The following CLSTN2 variants were observed in gnomAD, a reference collection of about 807,000 sequenced individuals.
CLSTN2 encodes the protein calsyntenin 2.
CLSTN2 carries 48 observed loss-of-function variants against 101.2 expected under a neutral mutation model. The observed-to-expected ratio is 0.47, with a 90% CI of 0.38 to 0.60. The LOEUF is 0.60. Among genes scored for constraint, CLSTN2 ranks in the 20% least tolerant of loss-of-function variants. The pLI is 0.00. For synonymous variants in CLSTN2, 481 were observed against 463.6 expected (o/e 1.04, Z -0.48); for missense variants, 1,160 against 1,238.2 (o/e 0.94, Z 0.95).
intron 2 of CLSTN2, among the ~76,000 whole-genome samples, chr3:140,340,959 G>A (rs1483565660): frequency 3.3e-5 from 5 of 152,158 alleles, no homozygotes; most frequent in Non-Finnish European, 7.3e-5. Context: ...TGGGTTTTGA[G>A]GAGGAAGACC....
chr3:140,182,641 T>C (rs1181071127), intron 2 of CLSTN2, among the ~76,000 whole-genome samples: 2 of 152,176 alleles, frequency 1.3e-5, no homozygotes, highest in Admixed American at 6.5e-5. Flanking sequence ...CACCCAGTCA[T>C]GAGGCTTCAG....
chr3:140,370,638 C>T (rs570980014), intron 2 of CLSTN2, among the ~76,000 whole-genome samples: 3 of 152,254 alleles, frequency 2.0e-5, no homozygotes, highest in East Asian at 1.9e-4. Context: ...TTTATTTACT[C>T]GGCATGCCCT....
At chr3:140,329,214 C>T (rs935129780) in intron 2 of CLSTN2, among the ~76,000 whole-genome samples, 12 of 152,022 alleles carry the variant, frequency 7.9e-5, no homozygotes, top group African/African-American at 2.7e-4. Context: ...TGGCAAAACC[C>T]CATCTCTACT....
At chr3:140,097,954 A>G (rs2008899533) in intron 1 of CLSTN2, among the ~76,000 whole-genome samples, 1 of 152,166 alleles carries the variant, frequency 6.6e-6, no homozygotes, top group South Asian at 2.1e-4. Context: ...TCCCAGAGAA[A>G]TGAATTTTGT....
intron 1 of CLSTN2, among the ~76,000 whole-genome samples, chr3:139,945,418 A>T (rs1461529772): frequency 2.0e-5 from 3 of 152,256 alleles, no homozygotes; most frequent in Non-Finnish European, 2.9e-5. Context: ...CAAGGTGATC[A>T]TATTTAAGAA....
At chr3:139,972,057 A>G (rs1277198325) in intron 1 of CLSTN2, among the ~76,000 whole-genome samples, 2 of 152,154 alleles carry the variant, frequency 1.3e-5, no homozygotes, top group Admixed American at 6.5e-5. Context: ...TGAGGTCAGG[A>G]GTTCAAGACC....
chr3:140,289,381 C>A (rs2086928895), intron 2 of CLSTN2, among the ~76,000 whole-genome samples: 1 of 151,582 alleles, frequency 6.6e-6, no homozygotes, highest in Non-Finnish European at 1.5e-5. Flanking sequence ...GGGAGAGGAG[C>A]TGTATTCCCT....
chr3:140,493,213 A>G (rs1367197715), intron 8 of CLSTN2, among the ~76,000 whole-genome samples: 1 of 152,158 alleles, frequency 6.6e-6, no homozygotes, highest in Non-Finnish European at 1.5e-5. Context: ...ACATGGCTTT[A>G]TCTCAGACAC....
intron 2 of CLSTN2, among the ~76,000 whole-genome samples, chr3:140,184,837 A>C (rs1288163305): frequency 6.6e-6 from 1 of 152,166 alleles, no homozygotes; most frequent in East Asian, 1.9e-4. Context: ...GATCCTTATC[A>C]GAACTGGATG....
At chr3:140,506,080 C>T (rs990279128) in intron 8 of CLSTN2, 1 of 152,216 alleles carries the variant, frequency 6.6e-6, no homozygotes, top group African/African-American at 2.4e-5. Context: ...GGGAGATCCT[C>T]CCACCTACTC....
intron 2 of CLSTN2, among the ~76,000 whole-genome samples, chr3:140,213,646 T>C (rs1020951163): frequency 6.6e-6 from 1 of 152,178 alleles, no homozygotes; most frequent in African/African-American, 2.4e-5. Flanking sequence ...CTGTGCTACA[T>C]TTAGGAGGAT....
chr3:140,014,446 T>C (rs1324991970), intron 1 of CLSTN2, among the ~76,000 whole-genome samples: 1 of 152,082 alleles, frequency 6.6e-6, no homozygotes, highest in Non-Finnish European at 1.5e-5. Context: ...CTCAAACTCC[T>C]AGTCTTAAAT....
intron 2 of CLSTN2, among the ~76,000 whole-genome samples, chr3:140,250,641 T>C (rs1363947502): frequency 6.6e-6 from 1 of 152,142 alleles, no homozygotes; most frequent in Non-Finnish European, 1.5e-5. Context: ...CAGACAGACA[T>C]TTCTCCACAC....
At chr3:140,379,421 A>G (rs1244778257) in intron 2 of CLSTN2, among the ~76,000 whole-genome samples, 3 of 152,220 alleles carry the variant, frequency 2.0e-5, no homozygotes, top group East Asian at 1.9e-4. Context: ...AGAGTAGCTC[A>G]GTGGCTGAGA....
At chr3:140,399,656 G>A (rs573327712) in intron 2 of CLSTN2, among the ~76,000 whole-genome samples, 2 of 152,234 alleles carry the variant, frequency 1.3e-5, no homozygotes, top group African/African-American at 4.8e-5. Flanking sequence ...TACCACAACA[G>A]TATAAATACT....
At chr3:140,504,757 C>A (rs1269736870) in intron 8 of CLSTN2, among the ~76,000 whole-genome samples, 1 of 152,210 alleles carries the variant, frequency 6.6e-6, no homozygotes, top group Non-Finnish European at 1.5e-5. Context: ...CAGAACCTAG[C>A]ATGAAAGTAT....
intron 5 of CLSTN2, among the ~76,000 whole-genome samples, chr3:140,440,845 C>T (rs2108003996): frequency 6.6e-6 from 1 of 152,330 alleles, no homozygotes; most frequent in South Asian, 2.1e-4. Flanking sequence ...GGTTGCTCAG[C>T]TGGTAAGGCA....
At chr3:140,527,479 C>A (rs1576612700) in intron 8 of CLSTN2, among the ~76,000 whole-genome samples, 1 of 152,226 alleles carries the variant, frequency 6.6e-6, no homozygotes, top group African/African-American at 2.4e-5. Flanking sequence ...AGTGGGAATG[C>A]AAACTAGTTC....
intron 2 of CLSTN2, among the ~76,000 whole-genome samples, chr3:140,320,262 T>C (rs971686589): frequency 1.3e-5 from 2 of 152,146 alleles, no homozygotes; most frequent in Non-Finnish European, 2.9e-5. Context: ...CTGGGGGGCC[T>C]TGTCAGAGTT....
Sources: allele counts gnomAD v4.1 joint callset (sites outside exome capture counted in the v4.1 genomes callset), GRCh38; gene constraint gnomAD v4.1.1; transcripts MANE v1.5; gene names NCBI Gene and HGNC (gene_info 2026-07-23, HGNC 2026-07-21).